GABBR2: variants seen among roughly 807,000 people sequenced by gnomAD.
GABBR2 encodes the protein gamma-aminobutyric acid type B receptor subunit 2.
In GABBR2, 23 loss-of-function variants were observed where a neutral mutation model predicts 105.6. The observed-to-expected ratio is 0.22, with a 90% confidence interval of 0.16 to 0.31. The LOEUF (loss-of-function observed/expected upper bound fraction) is 0.31. Among genes scored for constraint, GABBR2 ranks in the 10% least tolerant of loss-of-function variants. The probability of loss-of-function intolerance (pLI) is 1.00; values close to 1 mark genes in which losing one functional copy is unlikely to be tolerated. For missense variants in GABBR2, 734 were observed against 1,245.5 expected (o/e 0.59, Z 6.18); for synonymous variants, 478 against 499.7 (o/e 0.96, Z 0.58).
intron 3 of GABBR2, among the ~76,000 whole-genome samples, chr9:98,519,814 T>C (rs1301586096): frequency 6.6e-6 from 1 of 151,408 alleles, no homozygotes; most frequent in African/African-American, 2.4e-5. Flanking sequence ...CCATACACAA[T>C]GTGCAAATGA....
intron 11 of GABBR2, among the ~76,000 whole-genome samples, chr9:98,385,114 T>C (rs1832047944): frequency 6.6e-6 from 1 of 152,222 alleles, no homozygotes; most frequent in African/African-American, 2.4e-5. Flanking sequence ...TTGGCGCTGA[T>C]GCTTTTCTGG....
At chr9:98,411,410 T>C (rs57960021) in intron 7 of GABBR2, among the ~76,000 whole-genome samples, 12,671 of 152,110 alleles carry the variant, frequency 0.083, 1,741 homozygotes, top group African/African-American at 0.29. Context: ...ACTTGAAAAA[T>C]AGTAAGAACA....
intron 2 of GABBR2, among the ~76,000 whole-genome samples, chr9:98,559,243 C>T (rs778900771): frequency 1.3e-5 from 2 of 152,206 alleles, no homozygotes; most frequent in Non-Finnish European, 2.9e-5. Flanking sequence ...AATCCTCCCA[C>T]CTCAGCCTCC....
At chr9:98,668,221 A>T (rs1348202405) in intron 1 of GABBR2, among the ~76,000 whole-genome samples, 3 of 133,614 alleles carry the variant, frequency 2.2e-5, no homozygotes, top group South Asian at 5.1e-4. Context: ...TCTCCATCTC[A>T]GAGTCTTTTT....
intron 2 of GABBR2, among the ~76,000 whole-genome samples, chr9:98,564,028 T>TAC (rs1828715582): frequency 7.4e-6 from 1 of 135,158 alleles, no homozygotes; most frequent in Non-Finnish European, 1.7e-5. Context: ...GAATCATTTA[T>TAC]TTTTTATACA....
intron 13 of GABBR2, among the ~76,000 whole-genome samples, chr9:98,318,918 G>GT (rs1233293385): frequency 2.9e-5 from 2 of 68,700 alleles, no homozygotes; most frequent in African/African-American, 4.4e-5. Flanking sequence ...TGTGTGTTGG[G>GT]GGTGTGTGTG....
At chr9:98,707,995 G>C (rs534364743) in intron 1 of GABBR2, among the ~76,000 whole-genome samples, 15 of 152,314 alleles carry the variant, frequency 9.8e-5, no homozygotes, top group African/African-American at 3.6e-4. Flanking sequence ...CGGCCCCTCC[G>C]GCCCTGGGTG....
At position 98,708,904 on chromosome 9, in the gene GABBR2, G is replaced by C; in HGVS notation, c.-167C>G. 3.9e-6 allele frequency: 1 copy of C among 253,916 alleles called. No homozygotes were observed. The highest frequency in any genetic ancestry group is 6.2e-6 in the Non-Finnish European group (1 of 160,798). The allele number at this position is 253,916 out of a possible 1,614,324, so 15.7% of individuals were successfully genotyped here. A position where few individuals can be genotyped will look rare whatever the true frequency, so the allele number is the denominator to read the frequency against. On this transcript the variant is annotated 5_prime_UTR_variant, in exon 1 of 19. Coordinates refer to ENST00000259455, the MANE Select transcript of GABBR2 (RefSeq NM_005458.8). ...CTCGGCTCAGAACGGCCGCGGCGGC[G>C]GCGGCGGCAGCGGCGGCGCCCGTGA...
chr9:98,384,375 G>T (rs904066824), intron 11 of GABBR2, among the ~76,000 whole-genome samples: 1 of 152,180 alleles, frequency 6.6e-6, no homozygotes, highest in African/African-American at 2.4e-5. Flanking sequence ...CAGATCACCT[G>T]AGGTCGGGAG....
intron 13 of GABBR2, among the ~76,000 whole-genome samples, chr9:98,334,211 A>G (rs1831075883): frequency 6.6e-6 from 1 of 152,280 alleles, no homozygotes; most frequent in South Asian, 2.1e-4. Flanking sequence ...CATCAACCAG[A>G]TAATCACAGA....
chr9:98,333,311 C>T (rs1831059674), intron 13 of GABBR2, among the ~76,000 whole-genome samples: 2 of 152,190 alleles, frequency 1.3e-5, no homozygotes, highest in South Asian at 2.1e-4. Context: ...AAATGATACT[C>T]ATTTTCTAGA....
chr9:98,531,450 A>C (rs576588095), intron 3 of GABBR2, among the ~76,000 whole-genome samples: 6 of 152,340 alleles, frequency 3.9e-5, no homozygotes, highest in African/African-American at 1.2e-4. Flanking sequence ...AGCCAGATAA[A>C]GGCATCCAAG....
intron 1 of GABBR2, among the ~76,000 whole-genome samples, chr9:98,685,372 T>C (rs971405543): frequency 2.0e-5 from 3 of 152,244 alleles, no homozygotes; most frequent in Non-Finnish European, 4.4e-5. Flanking sequence ...AGACGGCCTA[T>C]TGTGGGACTT....
intron 12 of GABBR2, among the ~76,000 whole-genome samples, chr9:98,368,359 TG>T (rs1182955353): frequency 6.0e-5 from 9 of 150,814 alleles, no homozygotes; most frequent in African/African-American, 2.2e-4. Flanking sequence ...TAAAAAAGTG[TG>T]TGTGTGGGAG....
At chr9:98,310,765 C>T (rs1261755403) in intron 14 of GABBR2, among the ~76,000 whole-genome samples, 3 of 152,286 alleles carry the variant, frequency 2.0e-5, no homozygotes, top group Admixed American at 2.0e-4. Context: ...ACTGCTCTTC[C>T]TGGGAGTAGT....
intron 13 of GABBR2, among the ~76,000 whole-genome samples, chr9:98,352,184 C>A (rs756202425): frequency 3.3e-5 from 5 of 152,226 alleles, no homozygotes; most frequent in Non-Finnish European, 5.9e-5. Context: ...GGACACCAGG[C>A]AAGCTGGTCC....
chr9:98,294,048 G>T, intron 17 of GABBR2, 146 bp from the exon 18 acceptor site: 1 of 655,456 alleles, frequency 1.5e-6, no homozygotes, highest in East Asian at 2.6e-5. Context: ...TGAGGTCTGT[G>T]TAGTGGCTCT....
At chr9:98,317,419 G>C (rs958164161) in intron 13 of GABBR2, among the ~76,000 whole-genome samples, 2 of 152,184 alleles carry the variant, frequency 1.3e-5, no homozygotes, top group Non-Finnish European at 1.5e-5. Flanking sequence ...CGCTCTGTCC[G>C]GCTGCACAAA....
intron 1 of GABBR2, among the ~76,000 whole-genome samples, chr9:98,641,076 T>C (rs1829954340): frequency 6.6e-6 from 1 of 151,906 alleles, no homozygotes; most frequent in Non-Finnish European, 1.5e-5. Flanking sequence ...ATTGAGGCAC[T>C]TACAGAGTCT....
Sources: allele counts gnomAD v4.1 joint callset (sites outside exome capture counted in the v4.1 genomes callset), GRCh38; gene constraint gnomAD v4.1.1; transcripts MANE v1.5; gene names NCBI Gene and HGNC (gene_info 2026-07-23, HGNC 2026-07-21).